The following DNAI2 variants were observed in gnomAD, a reference collection of about 807,000 sequenced individuals.
DNAI2 encodes dynein axonemal intermediate chain 2.
Under a neutral mutation model 74.7 loss-of-function variants are expected in DNAI2, and 63 were observed. The observed-to-expected ratio is 0.84, with a 90% CI of 0.69 to 1.04. DNAI2 has a LOEUF of 1.04. Ranked by LOEUF, DNAI2 falls within the 50% of genes least tolerant of loss-of-function variation. The pLI, the probability that DNAI2 is intolerant of heterozygous loss-of-function variation, is 0.00. For missense variants in DNAI2, 688 were observed against 803.2 expected (o/e 0.86, Z 1.73); for synonymous variants, 289 against 314.9 (o/e 0.92, Z 0.87).
At position 74,312,179 on chromosome 17, in the gene DNAI2, C is replaced by T. The variant is rs766594632; in HGVS notation, c.1671C>T (p.Phe557=). 7 of 1,608,508 alleles carry T rather than the reference C, an allele frequency of 4.4e-6. No homozygotes were observed. In the African/African-American group the frequency reaches 5.4e-5, roughly 12 times the overall value. The stretch of plus-strand genomic sequence containing the variant: ...AGGAGGAGTTCTTCGACATCATCTT[C>T]GCAGAGCTGAAGAAGAAGGAGGCAG... ...KAEEEFFDII[F]AELKKKEADA... is the part of the protein sequence containing the mutation. The change falls in exon 12 of 14, where the codon TTC becomes TTT. Residue 557 remains phenylalanine (F), a synonymous_variant. Coordinates refer to ENST00000311014, the MANE Select transcript of DNAI2 (RefSeq NM_023036.6).
chr17:74,308,711 A>G (rs1320867016), intron 9 of DNAI2, among the ~76,000 whole-genome samples: 1 of 151,940 alleles, frequency 6.6e-6, no homozygotes, highest in Non-Finnish European at 1.5e-5. Context: ...TTGTAGAAAC[A>G]GGGTCTTTCC....
At chr17:74,280,266 G>A (rs936945357) in intron 1 of DNAI2, among the ~76,000 whole-genome samples, 5 of 152,266 alleles carry the variant, frequency 3.3e-5, no homozygotes, top group South Asian at 2.1e-4. Flanking sequence ...TGTGAACCCC[G>A]CCTCTGATGC....
Position 74,301,175 on chromosome 17 carries a change from G to A in DNAI2, c.987+7G>A. On this transcript the variant is annotated splice_region_variant and intron_variant, in intron 8 of 13. Coordinates refer to ENST00000311014, the MANE Select transcript of DNAI2 (RefSeq NM_023036.6). ...GGAGTTCGAATCTACTTTGGTGAGTGTCCCTTGCTGTCCCTTCCCCGACTT... is the reference window on the plus strand; with the variant it reads ...GGAGTTCGAATCTACTTTGGTGAGTATCCCTTGCTGTCCCTTCCCCGACTT... The A allele has an allele frequency of 1.2e-6, 2 of 1,613,278 alleles. No individual in the cohort carries two copies. The highest frequency in any genetic ancestry group is 2.2e-5 in the East Asian group (1 of 44,842).
chr17:74,285,324 G>A, intron 3 of DNAI2, 123 bp downstream of exon 3: 5 of 1,255,444 alleles, frequency 4.0e-6, no homozygotes, highest in Admixed American at 2.0e-5. Flanking sequence ...GGGGGGAAGG[G>A]GACCAGCTGC....
intron 1 of DNAI2, among the ~76,000 whole-genome samples, chr17:74,275,240 C>T (rs997892898): frequency 2.0e-5 from 3 of 152,176 alleles, no homozygotes; most frequent in Non-Finnish European, 2.9e-5. Flanking sequence ...TGACCCCCAT[C>T]GGTCTCCAAT....
At chr17:74,298,927 C>A (rs2144020773) in intron 6 of DNAI2, among the ~76,000 whole-genome samples, 1 of 152,278 alleles carries the variant, frequency 6.6e-6, no homozygotes, top group South Asian at 2.1e-4. Context: ...CTTGGCTGAG[C>A]AGGCGTATCT....
intron 2 of DNAI2, among the ~76,000 whole-genome samples, chr17:74,282,313 A>C (rs1180953870): frequency 6.6e-6 from 1 of 150,400 alleles, no homozygotes; most frequent in African/African-American, 2.4e-5. Context: ...GCTGGGAGAC[A>C]TTTTTTTTTT....
intron 1 of DNAI2, among the ~76,000 whole-genome samples, chr17:74,280,016 T>C (rs2143859576): frequency 6.6e-6 from 1 of 152,276 alleles, no homozygotes; most frequent in East Asian, 1.9e-4. Flanking sequence ...AAGGCACAAT[T>C]TCTGAAAGTG....
intron 9 of DNAI2, among the ~76,000 whole-genome samples, chr17:74,308,347 G>A (rs1006571989): frequency 2.6e-5 from 4 of 152,152 alleles, no homozygotes; most frequent in Non-Finnish European, 5.9e-5. Context: ...AAACCAAGTA[G>A]GAAGTGACAC....
chr17:74,314,260 T>A lies in DNAI2; in HGVS notation c.*44T>A. On this transcript the variant is annotated 3_prime_UTR_variant, in exon 13 of 14. Coordinates refer to ENST00000311014, the MANE Select transcript of DNAI2 (RefSeq NM_023036.6). ...GGCGCTATCCCTGTGTGCCTTCCTT[T>A]CCCACCTCTTGGTATTGCCCCGCTC... 1 of 1,612,394 alleles carries A rather than the reference T, an allele frequency of 6.2e-7. No homozygotes were observed.
chr17:74,310,375 A>C (rs1338321275), intron 11 of DNAI2, among the ~76,000 whole-genome samples: 1 of 151,588 alleles, frequency 6.6e-6, no homozygotes, highest in Non-Finnish European at 1.5e-5. Context: ...GCCTTCAGTA[A>C]GTCACGTCAC....
At chr17:74,289,976 G>A (rs1326464364) in intron 5 of DNAI2, among the ~76,000 whole-genome samples, 2 of 152,074 alleles carry the variant, frequency 1.3e-5, no homozygotes, top group Non-Finnish European at 2.9e-5. Flanking sequence ...TTCTTAGTTC[G>A]AGGCATGAAG....
At chr17:74,303,012 A>G (rs983748513) in intron 8 of DNAI2, among the ~76,000 whole-genome samples, 4 of 152,226 alleles carry the variant, frequency 2.6e-5, no homozygotes, top group Non-Finnish European at 5.9e-5. Flanking sequence ...AGTGCTAGAC[A>G]TGCAGCCACA....
intron 6 of DNAI2, among the ~76,000 whole-genome samples, chr17:74,294,124 T>C (rs2052290554): frequency 6.7e-6 from 1 of 149,378 alleles, no homozygotes; most frequent in South Asian, 2.1e-4. Context: ...TATCTATCTC[T>C]GGTTTTAAGT....
chr17:74,312,355 A>G (rs962179015), intron 12 of DNAI2, 125 bp downstream of exon 12: 1 of 721,014 alleles, frequency 1.4e-6, no homozygotes. Context: ...CTAGATCTTA[A>G]TTTATTCACC....
chr17:74,307,670 A>G (rs946826737), intron 9 of DNAI2, among the ~76,000 whole-genome samples: 4 of 152,154 alleles, frequency 2.6e-5, no homozygotes, highest in Admixed American at 6.5e-5. Flanking sequence ...CTCAAAAAAA[A>G]ATAATATTTG....
intron 8 of DNAI2, among the ~76,000 whole-genome samples, chr17:74,303,919 A>G (rs1388424214): frequency 1.3e-5 from 2 of 152,086 alleles, no homozygotes; most frequent in East Asian, 3.9e-4. Context: ...TGAGCTTAGG[A>G]GTTTGAGACC....
At chr17:74,312,706 C>G (rs1049794829) in intron 12 of DNAI2, among the ~76,000 whole-genome samples, 1 of 152,152 alleles carries the variant, frequency 6.6e-6, no homozygotes, top group Non-Finnish European at 1.5e-5. Flanking sequence ...TGCCCATGGC[C>G]CCAGCTCTAA....
intron 8 of DNAI2, 49 bp from the exon 9 acceptor site, chr17:74,305,170 G>A: frequency 6.2e-7 from 1 of 1,600,664 alleles, no homozygotes; most frequent in Non-Finnish European, 8.6e-7. Flanking sequence ...GCTAATCCCA[G>A]AATTGATGGT....
Sources: gnomAD v4.1 joint callset for allele counts (sites outside exome capture counted in the v4.1 genomes callset) on GRCh38, gnomAD v4.1.1 for gene constraint, MANE v1.5 for transcripts, NCBI Gene and HGNC (gene_info 2026-07-23, HGNC 2026-07-21) for gene names.